Variants in DDR2 observed in about 807,000 individuals in gnomAD.
DDR2 encodes discoidin domain receptor tyrosine kinase 2.
In DDR2, 27 loss-of-function variants were observed where a neutral mutation model predicts 94.9. That is an observed-to-expected ratio of 0.28 (90% confidence interval 0.21 to 0.39). The LOEUF (loss-of-function observed/expected upper bound fraction) is 0.39. Ranked by LOEUF, DDR2 falls within the 10% of genes least tolerant of loss-of-function variation. DDR2 has a pLI of 1.00. For synonymous variants in DDR2, 382 were observed against 377.2 expected (o/e 1.01, Z -0.15); for missense variants, 783 against 1,076.0 (o/e 0.73, Z 3.81).
chr1:162,704,710 T>C (rs1660584777), intron 2 of DDR2, among the ~76,000 whole-genome samples: 1 of 152,186 alleles, frequency 6.6e-6, no homozygotes, highest in South Asian at 2.1e-4. Flanking sequence ...CCTCATGACC[T>C]AATCACTTCT....
At chr1:162,700,360 C>A (rs1217689101) in intron 2 of DDR2, among the ~76,000 whole-genome samples, 1 of 152,190 alleles carries the variant, frequency 6.6e-6, no homozygotes, top group Admixed American at 6.5e-5. Context: ...GACCCCATGA[C>A]TATGACCCAG....
At chr1:162,773,448 G>A in intron 13 of DDR2, 21 bp from the exon 14 acceptor site, 10 of 1,612,726 alleles carry the variant, frequency 6.2e-6, no homozygotes, top group Non-Finnish European at 8.5e-6. Context: ...ATGATGCTGA[G>A]ACTAGATGAC....
chr1:162,761,149 A>G (rs1195322149), intron 8 of DDR2, 62 bp from the exon 9 acceptor site: 3 of 1,611,266 alleles, frequency 1.9e-6, no homozygotes, highest in South Asian at 1.1e-5. Context: ...GTTGGCTGGC[A>G]CTGTGTCTCC....
intron 13 of DDR2, among the ~76,000 whole-genome samples, chr1:162,773,059 A>G (rs945250384): frequency 5.3e-5 from 8 of 152,148 alleles, no homozygotes; most frequent in African/African-American, 1.9e-4. Context: ...AATAGACAGG[A>G]GTTTCTTATA....
rs576314391 is a variant in DDR2, at chr1:162,744,730, A to G, written c.83-8365A>G. 1.1e-4 allele frequency among the ~76,000 whole-genome samples: 16 copies of G among 150,982 alleles called. No homozygotes were observed. In the East Asian group the frequency reaches 1.8e-3, roughly 17 times the overall value. ...AGATTCCATTGTAGGTGTATCCCACATTTTCTGTATCTACTTATCTGCTGA... is the reference window on the plus strand; with the variant it reads ...AGATTCCATTGTAGGTGTATCCCACGTTTTCTGTATCTACTTATCTGCTGA... On this transcript the variant is annotated intron_variant, in intron 3 of 17. Coordinates refer to ENST00000367921, the MANE Select transcript of DDR2 (RefSeq NM_006182.4).
At chr1:162,771,967 G>A (rs1647248114) in intron 12 of DDR2, 57 bp from the exon 13 acceptor site, 2 of 1,538,764 alleles carry the variant, frequency 1.3e-6, no homozygotes, top group Non-Finnish European at 1.8e-6. Context: ...GTTCCTTCCT[G>A]AAGAGATCTC....
chr1:162,651,647 A>C (rs1657698256), intron 1 of DDR2, among the ~76,000 whole-genome samples: 1 of 152,238 alleles, frequency 6.6e-6, no homozygotes, highest in African/African-American at 2.4e-5. Flanking sequence ...CATATTACAT[A>C]CTAGGAACTC....
At chr1:162,685,564 G>A (rs1659648210) in intron 2 of DDR2, among the ~76,000 whole-genome samples, 1 of 151,698 alleles carries the variant, frequency 6.6e-6, no homozygotes, top group Admixed American at 6.6e-5. Flanking sequence ...AAGTCAACTG[G>A]TGTTCCTGAA....
intron 2 of DDR2, among the ~76,000 whole-genome samples, chr1:162,678,547 T>C (rs1392917204): frequency 6.6e-6 from 1 of 152,188 alleles, no homozygotes; most frequent in African/African-American, 2.4e-5. Flanking sequence ...AGTCCTCTTT[T>C]GTAAATGAGG....
chr1:162,711,653 T>C (rs965822686), intron 2 of DDR2, among the ~76,000 whole-genome samples: 1 of 152,210 alleles, frequency 6.6e-6, no homozygotes, highest in African/African-American at 2.4e-5. Flanking sequence ...CTTCTTACTT[T>C]CCATATTATC....
chr1:162,777,588 A>G (rs923029050), intron 16 of DDR2: 3 of 152,202 alleles, frequency 2.0e-5, no homozygotes, highest in Non-Finnish European at 2.9e-5. Flanking sequence ...AAGGTATTAT[A>G]TGGTGTTCAA....
intron 2 of DDR2, among the ~76,000 whole-genome samples, chr1:162,660,191 T>C (rs1658220774): frequency 6.6e-6 from 1 of 152,196 alleles, no homozygotes; most frequent in Non-Finnish European, 1.5e-5. Flanking sequence ...CTAATTGTCT[T>C]ATAAGAGACA....
At chr1:162,680,629 G>C (rs561735221) in intron 2 of DDR2, among the ~76,000 whole-genome samples, 5 of 152,222 alleles carry the variant, frequency 3.3e-5, no homozygotes, top group African/African-American at 1.2e-4. Flanking sequence ...CAGTTCAATG[G>C]CCTTAGTCAT....
intron 2 of DDR2, among the ~76,000 whole-genome samples, chr1:162,691,593 A>G (rs1487018523): frequency 1.3e-5 from 2 of 152,226 alleles, no homozygotes; most frequent in African/African-American, 4.8e-5. Flanking sequence ...ACCAGTGTCT[A>G]GTGACGTGCT....
In DDR2 at chr1:162,706,856, T is replaced by C. The variant is rs1452084498; in HGVS notation, c.-27-12181T>C. 2.6e-5 allele frequency among the ~76,000 whole-genome samples: 4 copies of C among 152,122 alleles called. No homozygotes were observed. In the East Asian group the frequency reaches 7.7e-4, roughly 29 times the overall value. ...ACTGCTTGGTTCAGAGGCTGCAAGT[T>C]AAAGTAACACAGAAGAGAATGTCCG... On this transcript the variant is annotated intron_variant, in intron 2 of 17. Transcript: ENST00000367921.
chr1:162,673,429 A>G lies in DDR2; in HGVS notation c.-28+18055A>G, dbSNP rs74116784. Among the ~76,000 whole-genome samples the G allele has an allele frequency of 2.4e-3, 372 of 152,304 alleles. 3 individuals carry two copies. Among genetic ancestry groups the G allele is most frequent in the African/African-American group, 8.7e-3 (362 of 41,556 alleles). Reference sequence around the variant, plus strand: ...AGGTGACATCAATGCTTAATGAGTCATGGGAGAGGAATGAACTAATGTTAG... The same window carrying G: ...AGGTGACATCAATGCTTAATGAGTCGTGGGAGAGGAATGAACTAATGTTAG... On this transcript the variant is annotated intron_variant, in intron 2 of 17. Transcript: ENST00000367921.
At chr1:162,641,494 A>C (rs184779423) in intron 1 of DDR2, among the ~76,000 whole-genome samples, 252 of 152,322 alleles carry the variant, frequency 1.7e-3, no homozygotes, top group African/African-American at 5.8e-3. Context: ...CACTTAGTTT[A>C]GCAAAGACCA....
At chr1:162,764,803 G>T (rs1663914759) in intron 9 of DDR2, among the ~76,000 whole-genome samples, 1 of 151,140 alleles carries the variant, frequency 6.6e-6, no homozygotes, top group Admixed American at 6.6e-5. Flanking sequence ...CTCCAGCCTG[G>T]GTGACAGAGT....
At chr1:162,660,654 A>C (rs539921844) in intron 2 of DDR2, among the ~76,000 whole-genome samples, 3 of 152,282 alleles carry the variant, frequency 2.0e-5, no homozygotes, top group South Asian at 4.2e-4. Context: ...TCTAACATCA[A>C]AGCAGCAACT....
Sources: allele counts gnomAD v4.1 joint callset (sites outside exome capture counted in the v4.1 genomes callset), GRCh38; gene constraint gnomAD v4.1.1; transcripts MANE v1.5; gene names NCBI Gene and HGNC (gene_info 2026-07-23, HGNC 2026-07-21).